The following WDFY3 variants were observed in gnomAD, a reference collection of about 807,000 sequenced individuals.
WDFY3 encodes WD repeat and FYVE domain containing 3.
WDFY3 carries 66 observed loss-of-function variants against 409.6 expected under a neutral mutation model. The ratio of observed to expected loss-of-function variants is 0.16; its 90% CI spans 0.13 to 0.20. The LOEUF (loss-of-function observed/expected upper bound fraction) is 0.20. Among genes scored for constraint, WDFY3 ranks in the 10% least tolerant of loss-of-function variants. WDFY3 has a pLI of 1.00. For missense variants in WDFY3, 3,031 were observed against 4,298.1 expected (o/e 0.71, Z 8.24); for synonymous variants, 1,521 against 1,537.1 (o/e 0.99, Z 0.25).
chr4:84,683,903 T>G (rs1342531799), intron 63 of WDFY3, 40 bp downstream of exon 63: 1 of 1,535,146 alleles, frequency 6.5e-7, no homozygotes, highest in South Asian at 1.2e-5. Context: ...TAAACTAGGA[T>G]GACAAATATC....
intron 31 of WDFY3, 54 bp from the exon 32 acceptor site, chr4:84,766,081 T>G: frequency 6.4e-7 from 1 of 1,569,622 alleles, no homozygotes. Flanking sequence ...TTTCAGAAAT[T>G]AGGATTTCAA....
At chr4:84,834,014 C>T (rs766415862) in intron 7 of WDFY3, among the ~76,000 whole-genome samples, 11 of 152,150 alleles carry the variant, frequency 7.2e-5, no homozygotes, top group Non-Finnish European at 1.3e-4. Flanking sequence ...TGTAATATGT[C>T]ATCATCTTTT....
chr4:84,789,764 C>T lies in WDFY3; in HGVS notation c.3631G>A (p.Ala1211Thr), dbSNP rs148026608. 8.3e-5 allele frequency: 134 copies of T among 1,613,844 alleles called. No homozygotes were observed. The East Asian group carries it at 1.2e-3, about 14-fold the overall frequency. ...ACAAGCTGTCCATCAATATAAAGGG[C>T]TGCAGTACTGTTTTTCAACATGCCT... The part of the protein sequence containing the change: ...SKGMLKNSTA[A>T]LYIDGQLVNT... The change falls in exon 22 of 68, where the codon GCC (alanine) becomes ACC (threonine). Residue 1211 changes from alanine to threonine, a missense_variant. By Grantham distance (58) the Ala-to-Thr change is moderately conservative. Transcript: ENST00000295888.
intron 1 of WDFY3, among the ~76,000 whole-genome samples, chr4:84,956,393 C>T (rs938372067): frequency 2.6e-5 from 4 of 152,272 alleles, no homozygotes; most frequent in African/African-American, 7.2e-5. Context: ...AAGAACCAGA[C>T]GCCAGACAGG....
rs1725532034 is a variant in WDFY3 at position 84,672,179 on chromosome 4, AT to A, written c.*688del. 1 of 152,200 alleles carries A rather than the reference AT, an allele frequency of 6.6e-6. No homozygotes were observed. The highest frequency in any genetic ancestry group is 1.5e-5 in the Non-Finnish European group (1 of 68,040). 9.4% of individuals were successfully genotyped at this position (152,200 alleles called of 1,614,324 possible). A position where few individuals can be genotyped will look rare whatever the true frequency, so the allele number is the denominator to read the frequency against. On this transcript the variant is annotated 3_prime_UTR_variant, in exon 68 of 68. Transcript: ENST00000295888. ...ACACTGTTTCCTAAAGAAGGTCCAC[AT>A]TATTTTGGTTACTAGCCTAGTTTAA...
intron 4 of WDFY3, among the ~76,000 whole-genome samples, chr4:84,860,004 C>G (rs1760370197): frequency 6.6e-6 from 1 of 152,232 alleles, no homozygotes; most frequent in Admixed American, 6.5e-5. Context: ...TCTTAAACAA[C>G]AGCAAATTGT....
At chr4:84,753,985 G>A in intron 34 of WDFY3, 109 bp from the exon 35 acceptor site, 1 of 1,210,038 alleles carries the variant, frequency 8.3e-7, no homozygotes, top group Non-Finnish European at 1.1e-6. Context: ...TATATTGATG[G>A]TCCAGAACTC....
intron 32 of WDFY3, among the ~76,000 whole-genome samples, chr4:84,760,459 T>C (rs1477519212): frequency 5.9e-5 from 9 of 152,216 alleles, no homozygotes; most frequent in Admixed American, 1.3e-4. Context: ...TGGTAAGCTA[T>C]TGATTATTGC....
At chr4:84,875,876 A>T (rs565641112) in intron 3 of WDFY3, among the ~76,000 whole-genome samples, 45 of 152,176 alleles carry the variant, frequency 3.0e-4, no homozygotes, top group Non-Finnish European at 5.4e-4. Flanking sequence ...ATCTCCTATG[A>T]TAACAATGCC....
intron 4 of WDFY3, among the ~76,000 whole-genome samples, chr4:84,851,801 C>T (rs1487807446): frequency 6.6e-6 from 1 of 152,182 alleles, no homozygotes; most frequent in Non-Finnish European, 1.5e-5. Flanking sequence ...TAAGACCCCA[C>T]TGGATGCCTG....
chr4:84,814,729 T>C (rs1753022572), intron 13 of WDFY3, among the ~76,000 whole-genome samples: 1 of 152,168 alleles, frequency 6.6e-6, no homozygotes. Flanking sequence ...TGGCATATTG[T>C]TATAATTATT....
Position 84,688,364 on chromosome 4 carries a change from G to A in WDFY3, c.9364-99C>T, listed in dbSNP as rs185318135. On this transcript the variant is annotated intron_variant, in intron 61 of 67. Transcript: ENST00000295888. ...TGGATGCATCAGGAAGCAGTGGCAC[G>A]CATGCTAGGTAGTAGGTGACTTGAG... 290 of 1,202,270 alleles carry A rather than the reference G, an allele frequency of 2.4e-4. 2 individuals are homozygous for A. In the African/African-American group the frequency reaches 3.6e-3, roughly 15 times the overall value. 74.5% of individuals were successfully genotyped at this position (1,202,270 alleles called of 1,614,324 possible). A position where few individuals can be genotyped will look rare whatever the true frequency, so the allele number is the denominator to read the frequency against.
chr4:84,860,991 G>A (rs1038479461), intron 3 of WDFY3, among the ~76,000 whole-genome samples: 1 of 152,084 alleles, frequency 6.6e-6, no homozygotes, highest in East Asian at 1.9e-4. Context: ...CCGGTGAATG[G>A]CTCGAGCTCA....
chr4:84,916,640 A>G (rs1301615189), intron 2 of WDFY3, among the ~76,000 whole-genome samples: 2 of 152,318 alleles, frequency 1.3e-5, no homozygotes, highest in Non-Finnish European at 1.5e-5. Context: ...AAGAACTTAA[A>G]ATTAAATGAA....
At position 84,803,334 on chromosome 4, in the gene WDFY3, T is replaced by A; in HGVS notation, c.2563A>T (p.Met855Leu). ...CCAACAGAGGCCAGTAGGTCCAGCA[T>A]GGCAAGCATGGCTCCAGGATGAATG... ...VIIHPGAMLA[M>L]LDLLASVGSV... The change falls in exon 16 of 68, where the codon ATG (methionine) becomes TTG (leucine). Residue 855 changes from methionine to leucine, a missense_variant. Physicochemically the swap from Met to Leu is conservative, Grantham distance 15. This residue lies in a region of WDFY3 where 1,322 missense variants were observed against 1,697.9 expected (regional missense o/e 0.78). Coordinates refer to ENST00000295888, the MANE Select transcript of WDFY3 (RefSeq NM_014991.6). The A allele has an allele frequency of 6.2e-7, 1 of 1,613,960 alleles. No individual in the cohort carries two copies. The highest frequency in any genetic ancestry group is 8.5e-7 in the Non-Finnish European group (1 of 1,179,960).
Position 84,836,995 on chromosome 4 carries a change from A to C in WDFY3, c.510T>G (p.Val170=), listed in dbSNP as rs148877975. 47 of 1,602,454 alleles carry C rather than the reference A, an allele frequency of 2.9e-5. No homozygotes were observed. The highest frequency in any genetic ancestry group is 3.9e-5 in the Non-Finnish European group (46 of 1,174,678). Residue 170 remains valine, a synonymous_variant, in exon 7 of 68, where the codon GTT becomes GTG. Transcript: ENST00000295888. ...GAGGTAGCTCATTCTGTGCACCTCC[A>C]ACTGCCTCAGGCACATGTGGAAGGT... The part of the protein sequence containing the change: ...FFDLPHVPEA[V]GGAQNELPLA...
At chr4:84,749,822 G>A (rs1315754694) in intron 36 of WDFY3, among the ~76,000 whole-genome samples, 1 of 152,132 alleles carries the variant, frequency 6.6e-6, no homozygotes, top group Non-Finnish European at 1.5e-5. Flanking sequence ...CTACTCGCTA[G>A]TATATTGAAG....
Position 84,696,150 on chromosome 4 carries a change from T to C in WDFY3, c.8721A>G (p.Leu2907=), listed in dbSNP as rs746494468. 3 of 1,614,172 alleles carry C rather than the reference T, an allele frequency of 1.9e-6. No homozygotes were observed. The highest frequency in any genetic ancestry group is 1.7e-6 in the Non-Finnish European group (2 of 1,180,018). Reference sequence around the variant, plus strand: ...CGAAGATTAAGTCAATCCACTCATGTAGATGGGCACTCACGTAATCACACT... The same window carrying C: ...CGAAGATTAAGTCAATCCACTCATGCAGATGGGCACTCACGTAATCACACT... ...ALECDYVSAH[L]HEWIDLIFGY... is the part of the protein sequence containing the mutation. Residue 2907 remains leucine, a synonymous_variant, in exon 58 of 68, where the codon CTA becomes CTG. Coordinates refer to ENST00000295888, the MANE Select transcript of WDFY3 (RefSeq NM_014991.6).
chr4:84,744,154 T>C (rs1299756921), intron 36 of WDFY3, among the ~76,000 whole-genome samples: 1 of 148,852 alleles, frequency 6.7e-6, no homozygotes, highest in East Asian at 1.9e-4. Flanking sequence ...AAAACTGTTA[T>C]AACAGTTTAT....
Sources: allele counts gnomAD v4.1 joint callset (sites outside exome capture counted in the v4.1 genomes callset), GRCh38; gene constraint gnomAD v4.1.1; regional missense constraint gnomAD v4.1.1; transcripts MANE v1.5; gene names NCBI Gene and HGNC (gene_info 2026-07-23, HGNC 2026-07-21).